The following ZBTB7C variants were observed in gnomAD, a reference collection of about 807,000 sequenced individuals.
The protein encoded by ZBTB7C is zinc finger and BTB domain containing 7C.
In ZBTB7C, 8 loss-of-function variants were observed where a neutral mutation model predicts 25.7. The ratio of observed to expected loss-of-function variants is 0.31; its 90% CI spans 0.18 to 0.56. The LOEUF (loss-of-function observed/expected upper bound fraction) is 0.56, where lower values mean the gene tolerates loss of function less well. ZBTB7C is among the 20% of genes least tolerant of loss of function. ZBTB7C has a pLI of 0.91. For missense variants in ZBTB7C, 824 were observed against 855.2 expected, an observed-to-expected ratio of 0.96 and a Z score of 0.46; for synonymous variants, 394 against 369.0, an observed-to-expected ratio of 1.07 and a Z score of -0.78.
chr18:48,107,837 T>C (rs780888072), intron 3 of ZBTB7C, among the ~76,000 whole-genome samples: 15 of 152,068 alleles, frequency 9.9e-5, no homozygotes, highest in Non-Finnish European at 2.2e-4. Flanking sequence ...CCCAGTGAAG[T>C]GAGGGCAGGT....
Position 48,399,775 on chromosome 18 carries a change from T to C in ZBTB7C, c.-304+9451A>G, listed in dbSNP as rs1370763649. Among the ~76,000 whole-genome samples the C allele has an allele frequency of 5.3e-5, 8 of 152,200 alleles. No individual in the cohort carries two copies. The South Asian group carries it at 1.2e-3, about 24-fold the overall frequency. ...AAGCTTCCTTCCCTCCAGAAGTTGC[T>C]GGTGGGGAGATTAAAACCCCAAATC... On this transcript the variant is annotated intron_variant, in intron 1 of 4. Transcript: ENST00000590800.
chr18:48,367,351 T>TAC, intron 1 of ZBTB7C, among the ~76,000 whole-genome samples: 3 of 107,830 alleles, frequency 2.8e-5, no homozygotes, highest in Admixed American at 2.8e-4. Flanking sequence ...TGTGTGCATA[T>TAC]ATATATATAT....
At chr18:48,185,187 G>A in intron 3 of ZBTB7C, 1 of 331,566 alleles carries the variant, frequency 3.0e-6, no homozygotes, top group Non-Finnish European at 5.8e-6. Flanking sequence ...ATCCACCCCT[G>A]TTCCTTCCTT....
intron 2 of ZBTB7C, among the ~76,000 whole-genome samples, chr18:48,257,676 T>C (rs1334828354): frequency 6.6e-6 from 1 of 152,054 alleles, no homozygotes; most frequent in African/African-American, 2.4e-5. Context: ...CAAATAGAAT[T>C]TGACAATATT....
intron 1 of ZBTB7C, among the ~76,000 whole-genome samples, chr18:48,405,012 G>A (rs558845403): frequency 4.5e-4 from 68 of 152,270 alleles, no homozygotes; most frequent in African/African-American, 1.3e-3. Flanking sequence ...AACCTGCTGT[G>A]AGCCCCTGAG....
intron 2 of ZBTB7C, among the ~76,000 whole-genome samples, chr18:48,314,059 T>C (rs2045888065): frequency 6.6e-6 from 1 of 152,202 alleles, no homozygotes; most frequent in South Asian, 2.1e-4. Flanking sequence ...GTGCTTCCTG[T>C]ACAGGCTGCA....
intron 3 of ZBTB7C, chr18:48,076,851 T>A: frequency 1.3e-6 from 1 of 786,980 alleles, no homozygotes; most frequent in Non-Finnish European, 1.5e-6. Flanking sequence ...AATGTAGTCA[T>A]TATGCCCTGC....
chr18:48,226,693 C>A (rs2043104539), intron 2 of ZBTB7C, among the ~76,000 whole-genome samples: 1 of 152,150 alleles, frequency 6.6e-6, no homozygotes, highest in Non-Finnish European at 1.5e-5. Flanking sequence ...GGCCAGCTGG[C>A]CACAAGATTG....
intron 2 of ZBTB7C, among the ~76,000 whole-genome samples, chr18:48,223,039 A>G (rs2043000028): frequency 6.6e-6 from 1 of 152,180 alleles, no homozygotes. Context: ...TCTAACAAAC[A>G]CACCAATAAA....
At chr18:48,270,918 T>G (rs1468680430) in intron 2 of ZBTB7C, among the ~76,000 whole-genome samples, 4 of 152,008 alleles carry the variant, frequency 2.6e-5, no homozygotes, top group Non-Finnish European at 5.9e-5. Flanking sequence ...CAATAGGATT[T>G]AAATGGAAAT....
At chr18:48,143,741 C>G (rs1407168724) in intron 3 of ZBTB7C, among the ~76,000 whole-genome samples, 1 of 152,318 alleles carries the variant, frequency 6.6e-6, no homozygotes, top group East Asian at 1.9e-4. Context: ...GATATCTAAT[C>G]ATCTTGACCT....
intron 3 of ZBTB7C, among the ~76,000 whole-genome samples, chr18:48,073,587 G>A (rs1258491966): frequency 6.6e-6 from 1 of 152,184 alleles, no homozygotes; most frequent in East Asian, 1.9e-4. Context: ...ATTAAAACAG[G>A]CCCTGAGTTT....
chr18:48,092,464 A>C (rs895372363), intron 3 of ZBTB7C, among the ~76,000 whole-genome samples: 1 of 152,268 alleles, frequency 6.6e-6, no homozygotes, highest in Admixed American at 6.5e-5. Flanking sequence ...GTTTTCATGC[A>C]GACTAAATTG....
chr18:48,215,797 C>T (rs1599119275), intron 2 of ZBTB7C, among the ~76,000 whole-genome samples: 2 of 152,260 alleles, frequency 1.3e-5, no homozygotes, highest in Admixed American at 1.3e-4. Flanking sequence ...TGTAAATTTC[C>T]CCCACAGTAG....
intron 3 of ZBTB7C, among the ~76,000 whole-genome samples, chr18:48,118,683 GAATAGTATGCGACCTAAATTAA>G (rs1162129578): frequency 2.0e-5 from 3 of 152,166 alleles, no homozygotes; most frequent in African/African-American, 7.2e-5. Flanking sequence ...TAGCGTGAGT[GAATAGTATGCGACCTAAATTAA>G]AATGAGACTT....
chr18:48,111,543 GGGAGGGAGGCAGA>G (rs1468040879), intron 3 of ZBTB7C, among the ~76,000 whole-genome samples: 1 of 152,192 alleles, frequency 6.6e-6, no homozygotes, highest in Non-Finnish European at 1.5e-5. Flanking sequence ...AGTTATCCAG[GGGAGGGAGGCAGA>G]GGAGAGAAGA....
At chr18:48,060,095 T>C (rs1045199597) in intron 3 of ZBTB7C, among the ~76,000 whole-genome samples, 5 of 152,028 alleles carry the variant, frequency 3.3e-5, no homozygotes, top group African/African-American at 9.7e-5. Context: ...TGACCAAAGA[T>C]ACAATTATAA....
chr18:48,332,026 C>T (rs558682534), intron 2 of ZBTB7C, among the ~76,000 whole-genome samples: 1 of 152,280 alleles, frequency 6.6e-6, no homozygotes, highest in African/African-American at 2.4e-5. Context: ...CACAGCATTA[C>T]ACATCCTAAA....
chr18:48,276,460 C>G (rs867188353), intron 2 of ZBTB7C, among the ~76,000 whole-genome samples: 84 of 104,958 alleles, frequency 8.0e-4, no homozygotes, highest in Middle Eastern at 4.9e-3. Flanking sequence ...CTCCCCCCAC[C>G]CCACAACAGG....
Sources: gnomAD v4.1 joint callset for allele counts (sites outside exome capture counted in the v4.1 genomes callset) on GRCh38, gnomAD v4.1.1 for gene constraint, MANE v1.5 for transcripts, NCBI Gene and HGNC (gene_info 2026-07-23, HGNC 2026-07-21) for gene names.